CHRM3: variants seen among roughly 807,000 people sequenced by gnomAD.
The protein encoded by CHRM3 is cholinergic receptor muscarinic 3, also known as muscarinic acetylcholine receptor M3.
A neutral mutation model predicts 41.8 loss-of-function variants in CHRM3; 11 were observed. That is an observed-to-expected ratio of 0.26 (90% confidence interval 0.17 to 0.44). The LOEUF is 0.44. CHRM3 is among the 20% of genes least tolerant of loss of function. CHRM3 has a pLI of 1.00. For missense variants in CHRM3, 571 were observed against 745.4 expected (o/e 0.77, Z 2.72); for synonymous variants, 297 against 301.4 (o/e 0.99, Z 0.15).
intron 1 of CHRM3, among the ~76,000 whole-genome samples, chr1:239,474,237 G>A (rs780747621): frequency 5.3e-5 from 8 of 151,926 alleles, no homozygotes; most frequent in East Asian, 1.9e-4. Context: ...GCAAACTTAC[G>A]TTGAAATATA....
At chr1:239,558,845 G>A (rs934945728) in intron 3 of CHRM3, among the ~76,000 whole-genome samples, 2 of 152,168 alleles carry the variant, frequency 1.3e-5, no homozygotes, top group African/African-American at 4.8e-5. Flanking sequence ...AAATAAAACT[G>A]AAATCATCTA....
chr1:239,627,119 A>G (rs1168160240), intron 3 of CHRM3, among the ~76,000 whole-genome samples: 4 of 88,172 alleles, frequency 4.5e-5, no homozygotes, highest in African/African-American at 1.8e-4. Context: ...GTCTCCCATT[A>G]TTAATGTGTG....
chr1:239,398,672 G>T (rs1162210028), intron 1 of CHRM3, among the ~76,000 whole-genome samples: 1 of 151,992 alleles, frequency 6.6e-6, no homozygotes, highest in Non-Finnish European at 1.5e-5. Flanking sequence ...AACCTCCTTT[G>T]GAATAATAAG....
chr1:239,745,906 A>G (rs996914772), intron 5 of CHRM3, among the ~76,000 whole-genome samples: 1 of 152,164 alleles, frequency 6.6e-6, no homozygotes, highest in Non-Finnish European at 1.5e-5. Context: ...TTCCTTCTAA[A>G]ATTATAGTCC....
chr1:239,812,577 T>A (rs1262403267), intron 5 of CHRM3, among the ~76,000 whole-genome samples: 2 of 152,218 alleles, frequency 1.3e-5, no homozygotes, highest in Non-Finnish European at 2.9e-5. Flanking sequence ...AAAGTGATTT[T>A]GTATAAAGGT....
intron 3 of CHRM3, among the ~76,000 whole-genome samples, chr1:239,627,264 C>T (rs1290726910): frequency 2.2e-5 from 3 of 136,410 alleles, no homozygotes; most frequent in Non-Finnish European, 4.7e-5. Flanking sequence ...TAATGTCCTT[C>T]TTTGTCTCTT....
At chr1:239,511,752 T>G (rs901083555) in intron 2 of CHRM3, among the ~76,000 whole-genome samples, 2 of 152,242 alleles carry the variant, frequency 1.3e-5, no homozygotes, top group African/African-American at 2.4e-5. Context: ...TCAGATTTAC[T>G]TCTTGATAGA....
At chr1:239,744,368 T>C (rs930296596) in intron 5 of CHRM3, among the ~76,000 whole-genome samples, 2 of 151,918 alleles carry the variant, frequency 1.3e-5, no homozygotes, top group African/African-American at 4.8e-5. Flanking sequence ...GGAAAGTGTG[T>C]GGAATGGGGT....
intron 5 of CHRM3, among the ~76,000 whole-genome samples, chr1:239,690,958 C>G (rs1474228211): frequency 6.6e-6 from 1 of 151,962 alleles, no homozygotes; most frequent in African/African-American, 2.4e-5. Context: ...TGTTTGGACC[C>G]CAGCTGCGGG....
chr1:239,456,436 C>G (rs1309734492), intron 1 of CHRM3, among the ~76,000 whole-genome samples: 2 of 152,116 alleles, frequency 1.3e-5, no homozygotes, highest in Non-Finnish European at 2.9e-5. Flanking sequence ...ACATGCTGTA[C>G]AGGTTAATAG....
At chr1:239,542,996 G>C (rs1404955656) in intron 2 of CHRM3, among the ~76,000 whole-genome samples, 1 of 152,060 alleles carries the variant, frequency 6.6e-6, no homozygotes, top group African/African-American at 2.4e-5. Flanking sequence ...TCCACTCTTT[G>C]CCCTTAAATG....
chr1:239,539,439 G>A (rs977030642), intron 2 of CHRM3, among the ~76,000 whole-genome samples: 21 of 152,032 alleles, frequency 1.4e-4, no homozygotes, highest in African/African-American at 2.2e-4. Flanking sequence ...AGTCTCAGCC[G>A]TCACTCTTAT....
intron 2 of CHRM3, among the ~76,000 whole-genome samples, chr1:239,505,830 G>T: frequency 6.6e-6 from 1 of 152,168 alleles, no homozygotes; most frequent in South Asian, 2.1e-4. Context: ...TGCCCAAAAT[G>T]CTGATAGCAG....
intron 6 of CHRM3, among the ~76,000 whole-genome samples, chr1:239,875,449 A>G (rs771888873): frequency 6.6e-6 from 1 of 152,232 alleles, no homozygotes; most frequent in Non-Finnish European, 1.5e-5. Flanking sequence ...TTTGAATTTT[A>G]TGTGCTTAAC....
intron 1 of CHRM3, among the ~76,000 whole-genome samples, chr1:239,390,746 G>A (rs1448512632): frequency 6.6e-6 from 1 of 152,076 alleles, no homozygotes; most frequent in Non-Finnish European, 1.5e-5. Flanking sequence ...CAGTGAACTA[G>A]CACCTGGAGA....
At chr1:239,446,100 C>T (rs1298564183) in intron 1 of CHRM3, among the ~76,000 whole-genome samples, 2 of 152,082 alleles carry the variant, frequency 1.3e-5, no homozygotes, top group African/African-American at 2.4e-5. Flanking sequence ...CCACACCCGG[C>T]TAATTTTTGT....
At chr1:239,436,244 A>T (rs768859494) in intron 1 of CHRM3, among the ~76,000 whole-genome samples, 38 of 152,160 alleles carry the variant, frequency 2.5e-4, no homozygotes, top group Non-Finnish European at 5.0e-4. Context: ...CATATTAATT[A>T]AAAAGGTACC....
At chr1:239,711,977 G>C (rs1356886642) in intron 5 of CHRM3, among the ~76,000 whole-genome samples, 1 of 152,080 alleles carries the variant, frequency 6.6e-6, no homozygotes, top group East Asian at 1.9e-4. Context: ...GGGCTCCCCA[G>C]AGCCCATCCC....
At chr1:239,727,816 A>G (rs1031829103) in intron 5 of CHRM3, 1 of 151,958 alleles carries the variant, frequency 6.6e-6, no homozygotes, top group Non-Finnish European at 1.5e-5. Flanking sequence ...TACCTGCACA[A>G]TTAGACAATC....
Sources: allele counts gnomAD v4.1 joint callset (sites outside exome capture counted in the v4.1 genomes callset), GRCh38; gene constraint gnomAD v4.1.1; transcripts MANE v1.5; gene names NCBI Gene and HGNC (gene_info 2026-07-23, HGNC 2026-07-21).